The following BCAR3 variants were observed in gnomAD, a reference collection of about 807,000 sequenced individuals.
The protein encoded by BCAR3 is breast cancer anti-estrogen resistance protein 3.
Under a neutral mutation model 80.1 loss-of-function variants are expected in BCAR3, and 37 were observed. The ratio of observed to expected loss-of-function variants is 0.46; its 90% CI spans 0.36 to 0.61. The LOEUF (loss-of-function observed/expected upper bound fraction) is 0.61. Among genes scored for constraint, BCAR3 ranks in the 20% least tolerant of loss-of-function variants. The pLI, the probability that BCAR3 is intolerant of heterozygous loss-of-function variation, is 0.00. For synonymous variants in BCAR3, 389 were observed against 418.9 expected (o/e 0.93, Z 0.87); for missense variants, 978 against 1,068.2 (o/e 0.92, Z 1.18).
In BCAR3 at chr1:93,845,501, T is replaced by TCA. The variant is rs1187622336; in HGVS notation, c.-63+65_-63+66insTG. The TCA allele has an allele frequency of 4.2e-5, 4 of 96,310 alleles. 1 individual carries two copies. The South Asian group carries it at 1.2e-3, about 28-fold the overall frequency. The allele number at this position is 96,310 out of a possible 1,614,324, so 6.0% of individuals were successfully genotyped here. On this transcript the variant is annotated intron_variant, in intron 2 of 13. Coordinates refer to the BCAR3 transcript ENST00000370244. ...ATATATATATATATATATATATATA[T>TCA]AAAACTTTGTTTACATTAGAGTATA...
At chr1:93,690,175 T>C (rs1649141355) in intron 3 of BCAR3, among the ~76,000 whole-genome samples, 1 of 152,328 alleles carries the variant, frequency 6.6e-6, no homozygotes, top group South Asian at 2.1e-4. Flanking sequence ...ACTTCTGTAA[T>C]TGTGTGCATT....
intron 2 of BCAR3, among the ~76,000 whole-genome samples, chr1:93,770,919 C>T (rs951551722): frequency 3.9e-5 from 6 of 152,146 alleles, no homozygotes; most frequent in Non-Finnish European, 1.5e-5. Flanking sequence ...CCATTAAACC[C>T]AGTCCCGGCT....
chr1:93,846,489 T>C (rs1289282174), intron 1 of BCAR3, among the ~76,000 whole-genome samples: 1 of 152,078 alleles, frequency 6.6e-6, no homozygotes, highest in Non-Finnish European at 1.5e-5. Context: ...CTTCGGGGTC[T>C]TGCGGATGGG....
intron 2 of BCAR3, among the ~76,000 whole-genome samples, chr1:93,654,566 T>C (rs868818991): frequency 2.5e-4 from 38 of 152,138 alleles, no homozygotes; most frequent in African/African-American, 9.2e-4. Flanking sequence ...ACAGAAACCG[T>C]GAGGTAATGA....
At chr1:93,566,845 AGCCTCC>A (rs1192330144) in intron 11 of BCAR3, among the ~76,000 whole-genome samples, 1 of 152,168 alleles carries the variant, frequency 6.6e-6, no homozygotes, top group Non-Finnish European at 1.5e-5. Context: ...CTCCTGCCTC[AGCCTCC>A]TGAGTAGCTG....
chr1:93,576,253 T>G, intron 7 of BCAR3, 124 bp from the exon 8 acceptor site: 1 of 707,036 alleles, frequency 1.4e-6, no homozygotes, highest in Non-Finnish European at 2.5e-6. Context: ...TTACATTTCT[T>G]TATAAGCAGC....
At chr1:93,764,639 C>A (rs1255307110) in intron 2 of BCAR3, among the ~76,000 whole-genome samples, 1 of 152,156 alleles carries the variant, frequency 6.6e-6, no homozygotes, top group African/African-American at 2.4e-5. Flanking sequence ...TACCAGGAGA[C>A]CTGGCTCCCC....
intron 3 of BCAR3, among the ~76,000 whole-genome samples, chr1:93,593,964 C>T (rs954773785): frequency 2.0e-5 from 3 of 152,192 alleles, no homozygotes; most frequent in African/African-American, 4.8e-5. Flanking sequence ...GAGATGCGGA[C>T]GCTGGCTGTC....
At chr1:93,729,870 A>G (rs1190842256) in intron 2 of BCAR3, among the ~76,000 whole-genome samples, 4 of 152,212 alleles carry the variant, frequency 2.6e-5, no homozygotes, top group Admixed American at 2.6e-4. Context: ...AGTCATTTCT[A>G]CGCTTCTCTC....
At position 93,603,663 on chromosome 1, in the gene BCAR3, T is replaced by G. The variant is rs369596921; in HGVS notation, c.358-11270A>C. On this transcript the variant is annotated intron_variant, in intron 3 of 11. Coordinates refer to ENST00000260502, the MANE Select transcript of BCAR3 (RefSeq NM_003567.4). The stretch of plus-strand genomic sequence containing the variant: ...GCAGAAATAGTCAGGGGCTCCATTT[T>G]CAATCAAGAGTTTGATAGTCACTGG... Among the ~76,000 whole-genome samples, 27 of 152,328 alleles carry G rather than the reference T, an allele frequency of 1.8e-4. No individual in the cohort carries two copies. The East Asian group carries it at 4.6e-3, about 26-fold the overall frequency.
At chr1:93,833,550 G>A (rs756886136) in intron 2 of BCAR3, among the ~76,000 whole-genome samples, 15 of 152,094 alleles carry the variant, frequency 9.9e-5, no homozygotes, top group South Asian at 2.1e-4. Context: ...CTCCCAGAGC[G>A]GTCATTTTAG....
chr1:93,589,426 G>A lies in BCAR3; in HGVS notation c.487-7C>T, dbSNP rs963709368. On this transcript the variant is annotated splice_polypyrimidine_tract_variant and splice_region_variant and intron_variant, in intron 4 of 11. Coordinates refer to ENST00000260502, the MANE Select transcript of BCAR3 (RefSeq NM_003567.4). ...GCACAAGGTTTTCAGACACCTTTGGGACAAAAAGGTGAGTGAGGAGTAGGA... is the reference window on the plus strand; with the variant it reads ...GCACAAGGTTTTCAGACACCTTTGGAACAAAAAGGTGAGTGAGGAGTAGGA... The A allele has an allele frequency of 2.6e-5, 41 of 1,603,900 alleles. No individual in the cohort carries two copies. Among genetic ancestry groups the A allele is most frequent in the Non-Finnish European group, 3.5e-5 (41 of 1,177,378 alleles).
At chr1:93,800,390 A>G (rs1653434070) in intron 2 of BCAR3, among the ~76,000 whole-genome samples, 1 of 152,142 alleles carries the variant, frequency 6.6e-6, no homozygotes, top group African/African-American at 2.4e-5. Context: ...CCTGGCCAAC[A>G]TGGTGAAACC....
At chr1:93,812,686 T>C in intron 2 of BCAR3, among the ~76,000 whole-genome samples, 1 of 152,224 alleles carries the variant, frequency 6.6e-6, no homozygotes, top group East Asian at 1.9e-4. Context: ...ACCCTGGACC[T>C]CTTTGATTGT....
chr1:93,673,155 T>C (rs191218780), intron 2 of BCAR3, among the ~76,000 whole-genome samples: 1 of 152,344 alleles, frequency 6.6e-6, no homozygotes, highest in African/African-American at 2.4e-5. Context: ...ATCTCCAGCA[T>C]ATCACTCCAT....
intron 2 of BCAR3, among the ~76,000 whole-genome samples, chr1:93,650,302 T>A (rs754783869): frequency 6.6e-6 from 1 of 152,176 alleles, no homozygotes; most frequent in South Asian, 2.1e-4. Flanking sequence ...GGAGAATGAC[T>A]TGAGCCCAGG....
At chr1:93,596,347 A>G (rs992261962) in intron 3 of BCAR3, among the ~76,000 whole-genome samples, 1 of 152,246 alleles carries the variant, frequency 6.6e-6, no homozygotes, top group Non-Finnish European at 1.5e-5. Context: ...ACACAAGGAC[A>G]TTGTTCAAAT....
intron 9 of BCAR3, among the ~76,000 whole-genome samples, chr1:93,568,758 G>A (rs1031886922): frequency 1.7e-4 from 26 of 152,144 alleles, no homozygotes; most frequent in African/African-American, 6.3e-4. Flanking sequence ...GCCTTATTTT[G>A]TTAAATTTCT....
chr1:93,656,110 C>G (rs1159412012), intron 2 of BCAR3, among the ~76,000 whole-genome samples: 1 of 152,194 alleles, frequency 6.6e-6, no homozygotes, highest in Non-Finnish European at 1.5e-5. Context: ...TGCTATCAGT[C>G]TAATTGTTAC....
Sources: gnomAD v4.1 joint callset for allele counts (sites outside exome capture counted in the v4.1 genomes callset) on GRCh38, gnomAD v4.1.1 for gene constraint, MANE v1.5 for transcripts, NCBI Gene and HGNC (gene_info 2026-07-23, HGNC 2026-07-21) for gene names.